The following SLC9A6 variants were observed in gnomAD, a reference collection of about 807,000 sequenced individuals.
SLC9A6 encodes the protein solute carrier family 9 member A6.
A neutral mutation model predicts 45.3 loss-of-function variants in SLC9A6; 6 were observed. The ratio of observed to expected loss-of-function variants is 0.13; its 90% CI spans 0.07 to 0.26. The LOEUF (loss-of-function observed/expected upper bound fraction) is 0.26. Ranked by LOEUF, SLC9A6 falls within the 10% of genes least tolerant of loss-of-function variation. The pLI, the probability that SLC9A6 is intolerant of heterozygous loss-of-function variation, is 1.00. For missense variants in SLC9A6, 278 were observed against 503.7 expected, an observed-to-expected ratio of 0.55 and a Z score of 4.29; for synonymous variants, 191 against 187.7, an observed-to-expected ratio of 1.02 and a Z score of -0.14.
exon 1 of SLC9A6, chrX:135,974,648 G>A (rs1556613124): frequency 2.9e-5 from 10 of 339,335 alleles, no homozygotes; most frequent in Non-Finnish European, 5.3e-5. Flanking sequence ...CCTTTCCTGT[G>A]CTTCAGCTCC....
intron 3 of SLC9A6, among the ~76,000 whole-genome samples, chrX:135,995,202 T>A (rs782243223): frequency 8.0e-5 from 9 of 112,745 alleles, no homozygotes; most frequent in African/African-American, 2.9e-4. Flanking sequence ...CTCTTTTTGT[T>A]TCTCTCTGGA....
At chrX:135,985,544 C>A in intron 1 of SLC9A6, 59 bp from the exon 2 acceptor site, 1 of 1,169,458 alleles carries the variant, frequency 8.6e-7, no homozygotes, top group South Asian at 1.9e-5. Context: ...TCCGCCGTGG[C>A]GTCGGCAGCA....
intron 2 of SLC9A6, among the ~76,000 whole-genome samples, chrX:135,990,801 A>T (rs782128444): frequency 1.9e-4 from 21 of 111,576 alleles, no homozygotes; most frequent in African/African-American, 6.2e-4. Context: ...TAAAATAAAA[A>T]AAAAGAACCA....
intron 15 of SLC9A6, chrX:136,033,190 A>G: frequency 3.9e-6 from 1 of 257,009 alleles, no homozygotes; most frequent in East Asian, 1.0e-4. Context: ...GTGAGAGTAG[A>G]TTCGTAAGTT....
At chrX:135,976,609 AAAAAAAG>A (rs2089264495) in intron 1 of SLC9A6, among the ~76,000 whole-genome samples, 2 of 111,258 alleles carry the variant, frequency 1.8e-5, no homozygotes, top group South Asian at 7.5e-4. Flanking sequence ...TTTCCAAAAA[AAAAAAAG>A]AAAAAAGAAA....
chrX:136,038,236 C>G (rs1158971081), intron 16 of SLC9A6, among the ~76,000 whole-genome samples: 1 of 111,758 alleles, frequency 8.9e-6, no homozygotes, highest in African/African-American at 3.2e-5. Flanking sequence ...GAGTTTTTAT[C>G]ATGAGTTTTT....
chrX:136,012,668 C>CT (rs781839570), intron 8 of SLC9A6, among the ~76,000 whole-genome samples: 1 of 112,736 alleles, frequency 8.9e-6, no homozygotes, highest in African/African-American at 3.2e-5. Flanking sequence ...ACTCCCGTCT[C>CT]TATCTATCCT....
At chrX:136,000,945 A>G (rs1326109550) in intron 6 of SLC9A6, among the ~76,000 whole-genome samples, 2 of 111,184 alleles carry the variant, frequency 1.8e-5, no homozygotes, top group African/African-American at 6.5e-5. Flanking sequence ...TGATTGTGCC[A>G]CTGTACTCCA....
Position 136,020,484 on chromosome X carries a change from T to G in SLC9A6, c.1195-2102T>G, listed in dbSNP as rs1380568652. On this transcript the variant is annotated intron_variant, in intron 11 of 17. Coordinates refer to ENST00000630721, the MANE Select transcript of SLC9A6 (RefSeq NM_001379110.1). The stretch of plus-strand genomic sequence containing the variant: ...TTCCTGTCTCATCCTCCTGAGTAGC[T>G]GAGATTACAGGCATGATCTGAGATT... Among the ~76,000 whole-genome samples, 3 of 111,621 alleles carry G rather than the reference T, an allele frequency of 2.7e-5. No homozygotes were observed. The Admixed American group carries it at 2.9e-4, about 11-fold the overall frequency.
At chrX:135,981,334 G>A (rs192058132), upstream of SLC9A6, among the ~76,000 whole-genome samples, 3 of 110,956 alleles carry the variant, frequency 2.7e-5, no homozygotes, top group Admixed American at 2.9e-4. Flanking sequence ...TCCTGAGAAC[G>A]CACTCACTAT....
intron 7 of SLC9A6, among the ~76,000 whole-genome samples, chrX:136,004,261 G>A (rs2089624214): frequency 9.3e-6 from 1 of 107,913 alleles, no homozygotes. Flanking sequence ...GCTCATTTTT[G>A]TATATTTAGT....
chrX:135,983,729 A>G (rs782688277), upstream of SLC9A6: 2 of 104,613 alleles, frequency 1.9e-5, no homozygotes, highest in South Asian at 9.3e-4. Context: ...CAAGTTCCCA[A>G]CACTCAGTGA....
chrX:136,011,415 T>C (rs568276269), intron 8 of SLC9A6, among the ~76,000 whole-genome samples: 1 of 110,330 alleles, frequency 9.1e-6, no homozygotes, highest in South Asian at 3.9e-4. Context: ...AGTTTTTTTA[T>C]ATTTTTAGTA....
chrX:136,044,872 G>A lies in SLC9A6; in HGVS notation c.*148G>A. On this transcript the variant is annotated 3_prime_UTR_variant, in exon 18 of 18. Transcript: ENST00000630721. ...GGCATAGAAAGAATATAAATATCCT[G>A]TACACGGCAGATTGTGAACAAACTA... 1 of 507,245 alleles carries A rather than the reference G, an allele frequency of 2.0e-6. No individual in the cohort carries two copies. Among genetic ancestry groups the A allele is most frequent in the Non-Finnish European group, 3.3e-6 (1 of 302,633 alleles). The allele number at this position is 507,245 out of a possible 1,213,427, so 41.8% of individuals were successfully genotyped here. A position where few individuals can be genotyped will look rare whatever the true frequency, so the allele number is the denominator to read the frequency against.
At chrX:136,035,082 T>C (rs782524369) in intron 16 of SLC9A6, among the ~76,000 whole-genome samples, 2 of 112,221 alleles carry the variant, frequency 1.8e-5, no homozygotes, top group Non-Finnish European at 3.8e-5. Flanking sequence ...CAAGGCTTGT[T>C]TGACTCAGTA....
intron 16 of SLC9A6, among the ~76,000 whole-genome samples, chrX:136,037,271 C>A (rs2071427930): frequency 8.9e-6 from 1 of 112,351 alleles, no homozygotes; most frequent in Non-Finnish European, 1.9e-5. Flanking sequence ...CGCACACACA[C>A]AACTGCTGGC....
chrX:136,013,137 G>A (rs192169057), intron 9 of SLC9A6, 83 bp downstream of exon 9: 29 of 747,346 alleles, frequency 3.9e-5, no homozygotes, highest in South Asian at 1.0e-4. Context: ...GATCAGCTCC[G>A]TTAGTATTTG....
chrX:136,020,261 CAG>C (rs782019496), intron 11 of SLC9A6, among the ~76,000 whole-genome samples: 56 of 111,551 alleles, frequency 5.0e-4, no homozygotes, highest in African/African-American at 1.8e-3. Flanking sequence ...TCCTTGAGGA[CAG>C]AGTATCAGCA....
rs1163027064 is a variant in SLC9A6 at position 136,002,092 on chromosome X, T to G, written c.638-16T>G. On this transcript the variant is annotated splice_polypyrimidine_tract_variant and intron_variant, in intron 6 of 17. Coordinates refer to ENST00000630721, the MANE Select transcript of SLC9A6 (RefSeq NM_001379110.1). ...TGTAATGTCTAAGTATTCCTCTGACTCTTTTTACTTACTAGTGACTGTTCT... is the reference window on the plus strand; with the variant it reads ...TGTAATGTCTAAGTATTCCTCTGACGCTTTTTACTTACTAGTGACTGTTCT... The G allele has an allele frequency of 9.3e-7, 1 of 1,070,972 alleles. No homozygotes were observed. The highest frequency in any genetic ancestry group is 1.3e-6 in the Non-Finnish European group (1 of 768,548). 88.3% of individuals were successfully genotyped at this position (1,070,972 alleles called of 1,213,427 possible). A position where few individuals can be genotyped will look rare whatever the true frequency, so the allele number is the denominator to read the frequency against.
Sources: gnomAD v4.1 joint callset for allele counts (sites outside exome capture counted in the v4.1 genomes callset) on GRCh38, gnomAD v4.1.1 for gene constraint, MANE v1.5 for transcripts, NCBI Gene and HGNC (gene_info 2026-07-23, HGNC 2026-07-21) for gene names.